Variants in TBXAS1 observed in about 807,000 individuals in gnomAD.
The protein encoded by TBXAS1 is thromboxane A synthase 1, also known as thromboxane-A synthase.
Under a neutral mutation model 60.7 loss-of-function variants are expected in TBXAS1, and 48 were observed. The observed-to-expected ratio is 0.79, with a 90% CI of 0.63 to 1.01. The LOEUF is 1.01. Among genes scored for constraint, TBXAS1 ranks in the 50% least tolerant of loss-of-function variants. TBXAS1 has a pLI of 0.00. For missense variants in TBXAS1, 685 were observed against 686.3 expected (o/e 1.00, Z 0.02); for synonymous variants, 287 against 269.7 (o/e 1.06, Z -0.63).
chr7:139,858,723 T>C (rs194149), intron 1 of TBXAS1, among the ~76,000 whole-genome samples: 91,699 of 152,036 alleles, frequency 0.6, 29,020 homozygotes, highest in Non-Finnish European at 0.7. Context: ...CACATTTTGA[T>C]TATGTCTTCC....
chr7:139,999,561 G>C lies in TBXAS1; in HGVS notation c.1135-7530G>C, dbSNP rs150645131. On this transcript the variant is annotated intron_variant, in intron 9 of 12. Transcript: ENST00000448866. The surrounding 1 kb of genome is among the most constrained non-coding windows in gnomAD (Gnocchi z 4.3). Reference sequence around the variant, plus strand: ...TGCAAGGGTGAGGGGCTTTGCCTCTGGTTTATGGTCAGAAGGGCAAAGCGA... The same window carrying C: ...TGCAAGGGTGAGGGGCTTTGCCTCTCGTTTATGGTCAGAAGGGCAAAGCGA... 3.4e-3 allele frequency among the ~76,000 whole-genome samples: 521 copies of C among 152,256 alleles called. 3 individuals carry two copies. Among genetic ancestry groups the C allele is most frequent in the African/African-American group, 0.012 (485 of 41,534 alleles).
At chr7:139,962,909 T>C (rs1000341974) in intron 9 of TBXAS1, 7 of 153,038 alleles carry the variant, frequency 4.6e-5, no homozygotes, top group Non-Finnish European at 7.3e-5. Context: ...TTTTAAAATC[T>C]GTACTTTAAA....
At chr7:139,933,860 G>A (rs765923430) in intron 4 of TBXAS1, among the ~76,000 whole-genome samples, 9 of 138,626 alleles carry the variant, frequency 6.5e-5, no homozygotes, top group South Asian at 2.3e-4. Context: ...CCCACACCCC[G>A]CAACCTGCAG....
intron 4 of TBXAS1, among the ~76,000 whole-genome samples, chr7:139,822,635 T>G (rs2116446748): frequency 6.6e-6 from 1 of 152,256 alleles, no homozygotes; most frequent in South Asian, 2.1e-4. Context: ...TGTCGTACTG[T>G]ATGGCACTAT....
chr7:139,839,005 G>A (rs576625821), intron 1 of TBXAS1, among the ~76,000 whole-genome samples: 2 of 152,320 alleles, frequency 1.3e-5, no homozygotes, highest in African/African-American at 4.8e-5. Context: ...TGAGTTGTAC[G>A]AGTTGAACGT....
intron 2 of TBXAS1, 133 bp from the exon 3 acceptor site, chr7:139,875,452 G>A (rs1247860510): frequency 8.9e-6 from 7 of 786,054 alleles, no homozygotes; most frequent in Non-Finnish European, 1.5e-5. Flanking sequence ...GTACCTGAAA[G>A]CAATATAACT....
rs1814788698 is a variant in TBXAS1, at chr7:140,013,606, CT to C, written c.1227-2116del. On this transcript the variant is annotated intron_variant, in intron 10 of 12. Transcript: ENST00000448866. The surrounding 1 kb of genome is among the most constrained non-coding windows in gnomAD (Gnocchi z 4.2). ...TCCCAGGAACCAGGAACGGCTCTCA[CT>C]GGCAGGCCTCACGGAGGAGACCCAA... 6.6e-6 allele frequency among the ~76,000 whole-genome samples: 1 copy of C among 152,214 alleles called. No individual in the cohort carries two copies. The highest frequency in any genetic ancestry group is 1.5e-5 in the Non-Finnish European group (1 of 68,036).
chr7:139,936,333 C>A, intron 5 of TBXAS1, 26 bp downstream of exon 5: 1 of 1,606,912 alleles, frequency 6.2e-7, no homozygotes, highest in Middle Eastern at 1.7e-4. Context: ...TGCAAACTCT[C>A]TTCTCTTACG....
intron 4 of TBXAS1, among the ~76,000 whole-genome samples, chr7:139,824,100 T>C (rs1286260871): frequency 6.6e-6 from 1 of 152,108 alleles, no homozygotes; most frequent in East Asian, 1.9e-4. Context: ...ATAGGGAACA[T>C]GAAGGAAATA....
intron 4 of TBXAS1, among the ~76,000 whole-genome samples, chr7:139,802,494 C>T (rs1272382276): frequency 6.6e-6 from 1 of 152,062 alleles, no homozygotes; most frequent in African/African-American, 2.4e-5. Context: ...TTTATAAAGG[C>T]CAGTTCCCGG....
chr7:139,957,744 G>T lies in TBXAS1; in HGVS notation c.799G>T (p.Asp267Tyr). 1 of 1,614,110 alleles carries T rather than the reference G, an allele frequency of 6.2e-7. No individual in the cohort carries two copies. Among genetic ancestry groups the T allele is most frequent in the South Asian group, 1.1e-5 (1 of 91,076 alleles). The stretch of plus-strand genomic sequence containing the variant: ...CATTAGGAATGTGATTGCCTTGCGG[G>T]ACCAGCAAGCTGCCGAAGAGGTAAC... ...KLIRNVIALR[D>Y]QQAAEERRRD... Residue 267 changes from aspartate to tyrosine, a missense_variant, in exon 8 of 13, where the codon GAC (aspartate) becomes TAC (tyrosine). By Grantham distance (160) the Asp-to-Tyr change is radical (BLOSUM62 -3). Coordinates refer to ENST00000448866, the MANE Select transcript of TBXAS1 (RefSeq NM_001061.7).
rs116978026 is a variant in TBXAS1, at chr7:139,920,265, C to T, written c.333+8944C>T. On this transcript the variant is annotated intron_variant, in intron 4 of 12. Transcript: ENST00000448866. Reference sequence around the variant, plus strand: ...GGGTTTTCTGTCCCCCTCTGGCTGCCAGCACTAATCTAGCCTTTGAAGAGG... The same window carrying T: ...GGGTTTTCTGTCCCCCTCTGGCTGCTAGCACTAATCTAGCCTTTGAAGAGG... Among the ~76,000 whole-genome samples the T allele has an allele frequency of 4.6e-3, 700 of 152,310 alleles. 3 individuals carry two copies. Among genetic ancestry groups the T allele is most frequent in the Non-Finnish European group, 6.9e-3 (472 of 68,020 alleles).
chr7:139,928,122 G>T (rs1444829643), intron 4 of TBXAS1, among the ~76,000 whole-genome samples: 1 of 152,126 alleles, frequency 6.6e-6, no homozygotes, highest in Non-Finnish European at 1.5e-5. Flanking sequence ...TTAACTGCAG[G>T]TGTTTTTGTA....
chr7:139,822,568 G>A lies in TBXAS1; in HGVS notation c.-79-6744G>A, dbSNP rs373310279. Among the ~76,000 whole-genome samples the A allele has an allele frequency of 1.1e-3, 167 of 152,266 alleles. 4 individuals are homozygous for A. The South Asian group carries it at 0.032, about 29-fold the overall frequency. ...GGCCGCAAGAGGCCTCGTGCTCAGC[G>A]TGCAGAACACTGAAGCCACGATAGC... On this transcript the variant is annotated intron_variant, in intron 4 of 16. Transcript: ENST00000336425.
At chr7:139,810,021 T>C (rs1025039538) in intron 4 of TBXAS1, among the ~76,000 whole-genome samples, 2 of 152,140 alleles carry the variant, frequency 1.3e-5, no homozygotes, top group African/African-American at 4.8e-5. Flanking sequence ...CTTGGTCATT[T>C]TCAATAAGTG....
intron 10 of TBXAS1, among the ~76,000 whole-genome samples, chr7:140,009,868 T>C (rs7809524): frequency 2.7e-5 from 1 of 36,496 alleles, no homozygotes; most frequent in Non-Finnish European, 5.3e-5. Context: ...CCACACCTGC[T>C]CCACACCTCC....
chr7:139,968,174 C>A (rs975745957), intron 9 of TBXAS1, among the ~76,000 whole-genome samples: 3 of 152,246 alleles, frequency 2.0e-5, no homozygotes, highest in African/African-American at 7.2e-5. Context: ...CTCCGCACAT[C>A]CTGTCTGGCA....
At chr7:139,961,798 C>T in intron 8 of TBXAS1, 121 bp from the exon 9 acceptor site, 2 of 1,231,736 alleles carry the variant, frequency 1.6e-6, no homozygotes, top group South Asian at 1.3e-5. Flanking sequence ...AATGAGGAAG[C>T]TTGTTGCTAC....
At chr7:139,934,181 CT>C (rs962798889) in intron 4 of TBXAS1, among the ~76,000 whole-genome samples, 26 of 149,430 alleles carry the variant, frequency 1.7e-4, no homozygotes, top group African/African-American at 4.4e-4. Flanking sequence ...AATGCAAAGT[CT>C]TTTTTTTTTC....
Sources: allele counts gnomAD v4.1 joint callset (sites outside exome capture counted in the v4.1 genomes callset), GRCh38; gene constraint gnomAD v4.1.1; non-coding constraint Gnocchi (gnomAD v3.1); transcripts MANE v1.5; gene names NCBI Gene and HGNC (gene_info 2026-07-23, HGNC 2026-07-21).